The following BAG4 variants were observed in gnomAD, a reference collection of about 807,000 sequenced individuals.
BAG4 encodes the protein BAG cochaperone 4, also known as BAG family molecular chaperone regulator 4.
Under a neutral mutation model 52.1 loss-of-function variants are expected in BAG4, and 28 were observed. That is an observed-to-expected ratio of 0.54 (90% CI 0.40 to 0.74). The LOEUF is 0.74. Among genes scored for constraint, BAG4 ranks in the 30% least tolerant of loss-of-function variants. The pLI is 0.00. For synonymous variants in BAG4, 208 were observed against 217.0 expected (o/e 0.96, Z 0.37); for missense variants, 525 against 572.0 (o/e 0.92, Z 0.84).
intron 1 of BAG4, among the ~76,000 whole-genome samples, chr8:38,186,411 A>T (rs1803367520): frequency 6.6e-6 from 1 of 152,166 alleles, no homozygotes; most frequent in Admixed American, 6.5e-5. Context: ...AGGCTGTAAA[A>T]CAGGTAGCTC....
At chr8:38,191,074 TA>T (rs1311020437) in intron 1 of BAG4, among the ~76,000 whole-genome samples, 1 of 152,112 alleles carries the variant, frequency 6.6e-6, no homozygotes, top group Non-Finnish European at 1.5e-5. Context: ...GGTGGTTTTT[TA>T]AAGAAGATAA....
At chr8:38,196,760 A>G (rs998196915) in intron 2 of BAG4, among the ~76,000 whole-genome samples, 2 of 151,704 alleles carry the variant, frequency 1.3e-5, no homozygotes, top group African/African-American at 2.4e-5. Flanking sequence ...CCATTTGTAT[A>G]TCTTGTTTGG....
intron 2 of BAG4, among the ~76,000 whole-genome samples, chr8:38,206,606 CA>C (rs1803772088): frequency 1.3e-5 from 2 of 152,028 alleles, no homozygotes; most frequent in Admixed American, 1.3e-4. Flanking sequence ...TACTATATGC[CA>C]GACACTATGC....
rs1275061185 is a variant in BAG4, at chr8:38,210,115, A to C, written c.996A>C (p.Ser332=). 5.6e-6 allele frequency: 9 copies of C among 1,614,062 alleles called. No homozygotes were observed. The highest frequency in any genetic ancestry group is 1.3e-5 in the African/African-American group (1 of 74,926). Residue 332 remains serine, a synonymous_variant, in exon 5 of 5, where the codon TCA becomes TCC. Coordinates refer to ENST00000287322, the MANE Select transcript of BAG4 (RefSeq NM_004874.4). ...CGGGGACAGTGAACAATGATGATTC[A>C]GATCTTTTGGATTCCCAAGTCCAGT... ...ESSGTVNNDD[S]DLLDSQVQYS...
In BAG4 at chr8:38,202,587, C is replaced by T. The variant is rs568012421; in HGVS notation, c.379-4925C>T. Among the ~76,000 whole-genome samples the T allele has an allele frequency of 2.1e-5, 3 of 145,048 alleles. No individual in the cohort carries two copies. The South Asian group carries it at 6.5e-4, about 31-fold the overall frequency. On this transcript the variant is annotated intron_variant, in intron 2 of 4. Transcript: ENST00000287322. Reference sequence around the variant, plus strand: ...TTTTTTTTTTTTTCTGTTTCTCAGGCTGGAGTGCAATGGCATGATCACAGC... The same window carrying T: ...TTTTTTTTTTTTTCTGTTTCTCAGGTTGGAGTGCAATGGCATGATCACAGC...
Position 38,209,386 on chromosome 8 carries a change from T to A in BAG4, c.888+119T>A, listed in dbSNP as rs565508374. ...GGACTAATTACAAAAAGTTGGTGAC[T>A]ACTTATCTATAGCTTTACCTCAGCT... is the stretch of plus-strand genomic sequence containing the variant. On this transcript the variant is annotated intron_variant, in intron 4 of 4. Transcript: ENST00000287322. 26 of 1,343,734 alleles carry A rather than the reference T, an allele frequency of 1.9e-5. No homozygotes were observed. The African/African-American group carries it at 3.5e-4, about 18-fold the overall frequency. The allele number at this position is 1,343,734 out of a possible 1,614,324, so 83.2% of individuals were successfully genotyped here. A position where few individuals can be genotyped will look rare whatever the true frequency, so the allele number is the denominator to read the frequency against.
intron 1 of BAG4, among the ~76,000 whole-genome samples, chr8:38,189,722 A>G (rs1216203360): frequency 6.6e-6 from 1 of 152,136 alleles, no homozygotes; most frequent in Non-Finnish European, 1.5e-5. Context: ...GGTTGCTAGA[A>G]TTTGCAGCGA....
intron 1 of BAG4, among the ~76,000 whole-genome samples, chr8:38,185,535 T>C (rs916411930): frequency 7.2e-5 from 11 of 152,128 alleles, no homozygotes; most frequent in South Asian, 2.1e-4. Flanking sequence ...CTGGAAATGG[T>C]CCTAGGGAAT....
chr8:38,188,568 C>CAT (rs1184735520), intron 1 of BAG4, among the ~76,000 whole-genome samples: 5 of 150,192 alleles, frequency 3.3e-5, no homozygotes, highest in African/African-American at 1.2e-4. Flanking sequence ...CATATAAATA[C>CAT]ATATATATAC....
At chr8:38,204,167 A>C (rs1035594394) in intron 2 of BAG4, 2 of 152,394 alleles carry the variant, frequency 1.3e-5, no homozygotes, top group Non-Finnish European at 2.9e-5. Context: ...CAATGAACTC[A>C]TGAAGGCATC....
At chr8:38,208,163 G>C (rs1417047766) in intron 3 of BAG4, among the ~76,000 whole-genome samples, 1 of 151,482 alleles carries the variant, frequency 6.6e-6, no homozygotes, top group Admixed American at 6.6e-5. Context: ...TTTTAGTAGA[G>C]ATGGGGTTTC....
intron 2 of BAG4, among the ~76,000 whole-genome samples, chr8:38,204,953 TAAAAG>T (rs1803743778): frequency 6.6e-6 from 1 of 152,050 alleles, no homozygotes; most frequent in African/African-American, 2.4e-5. Flanking sequence ...AATTAAAACT[TAAAAG>T]GAAAAAAACA....
rs550879869 is a variant in BAG4 at position 38,198,558 on chromosome 8, G to A, written c.378+5763G>A. 1.4e-4 allele frequency among the ~76,000 whole-genome samples: 20 copies of A among 146,010 alleles called. No individual in the cohort carries two copies. The South Asian group carries it at 4.4e-3, about 32-fold the overall frequency. ...GGCTGCAGTGCAGTGGTGCGATCTCGGCTTACTGCGACCTCCGCCTCCCAG... is the reference window on the plus strand; with the variant it reads ...GGCTGCAGTGCAGTGGTGCGATCTCAGCTTACTGCGACCTCCGCCTCCCAG... On this transcript the variant is annotated intron_variant, in intron 2 of 4. Coordinates refer to ENST00000287322, the MANE Select transcript of BAG4 (RefSeq NM_004874.4).
At chr8:38,194,851 TTTTTTTTTTTTG>T (rs1803537094) in intron 2 of BAG4, among the ~76,000 whole-genome samples, 1 of 149,952 alleles carries the variant, frequency 6.7e-6, no homozygotes, top group South Asian at 2.1e-4. Context: ...TTTTTTGTTT[TTTTTTTTTTTTG>T]TTTTTTTTTT....
intron 2 of BAG4, among the ~76,000 whole-genome samples, chr8:38,193,888 G>A (rs1803519357): frequency 6.6e-6 from 1 of 152,124 alleles, no homozygotes; most frequent in Admixed American, 6.6e-5. Flanking sequence ...ACAGGCATGT[G>A]CCACCACACC....
chr8:38,185,070 CA>C (rs1371411405), intron 1 of BAG4, among the ~76,000 whole-genome samples: 8 of 136,674 alleles, frequency 5.9e-5, no homozygotes, highest in African/African-American at 2.2e-4. Flanking sequence ...GCCAGGGCAA[CA>C]AGAGTGAGAC....
At chr8:38,193,773 T>C (rs1481799876) in intron 2 of BAG4, among the ~76,000 whole-genome samples, 1 of 141,504 alleles carries the variant, frequency 7.1e-6, no homozygotes, top group Non-Finnish European at 1.5e-5. Context: ...GGAGTCTTGC[T>C]CTGTCGCCAG....
intron 2 of BAG4, among the ~76,000 whole-genome samples, chr8:38,194,985 G>A (rs1357387138): frequency 2.9e-4 from 44 of 151,204 alleles, no homozygotes; most frequent in African/African-American, 1.0e-3. Context: ...CTCCCGAGTA[G>A]CTGGGACTAC....
At chr8:38,194,849 T>G (rs1168110374) in intron 2 of BAG4, among the ~76,000 whole-genome samples, 8 of 94,544 alleles carry the variant, frequency 8.5e-5, no homozygotes, top group Non-Finnish European at 1.3e-4. Context: ...TTTTTTTTGT[T>G]TTTTTTTTTT....
Sources: gnomAD v4.1 joint callset for allele counts (sites outside exome capture counted in the v4.1 genomes callset) on GRCh38, gnomAD v4.1.1 for gene constraint, MANE v1.5 for transcripts, NCBI Gene and HGNC (gene_info 2026-07-23, HGNC 2026-07-21) for gene names.